The following PTPRN2 variants were observed in gnomAD, a reference collection of about 807,000 sequenced individuals.
PTPRN2 encodes protein tyrosine phosphatase receptor type N2.
A neutral mutation model predicts 118.8 loss-of-function variants in PTPRN2; 74 were observed. That is an observed-to-expected ratio of 0.62 (90% CI 0.52 to 0.76). PTPRN2 has a LOEUF of 0.76. PTPRN2 is among the 30% of genes least tolerant of loss of function. The probability of loss-of-function intolerance (pLI) is 0.00; values close to 1 mark genes in which losing one functional copy is unlikely to be tolerated. For synonymous variants in PTPRN2, 641 were observed against 608.0 expected, an observed-to-expected ratio of 1.05 and a Z score of -0.80; for missense variants, 1,481 against 1,394.4, an observed-to-expected ratio of 1.06 and a Z score of -0.99.
chr7:158,044,006 G>C (rs1478938954), intron 11 of PTPRN2, among the ~76,000 whole-genome samples: 1 of 152,236 alleles, frequency 6.6e-6, no homozygotes, highest in Admixed American at 6.5e-5. Context: ...CACACGCCGA[G>C]GCTGTGATGG....
Position 158,194,115 on chromosome 7 carries a change from G to A in PTPRN2, c.381-1620C>T, listed in dbSNP as rs550760100. Among the ~76,000 whole-genome samples, 27 of 150,122 alleles carry A rather than the reference G, an allele frequency of 1.8e-4. 1 individual carries two copies. The South Asian group carries it at 2.5e-3, about 14-fold the overall frequency. On this transcript the variant is annotated intron_variant, in intron 4 of 22. Coordinates refer to ENST00000389418, the MANE Select transcript of PTPRN2 (RefSeq NM_002847.5). ...AACAACAAAAAAAGTGTGTGCACGCGCGCGCATGTGCGTGTGTGAGTTTGT... is the reference window on the plus strand; with the variant it reads ...AACAACAAAAAAAGTGTGTGCACGCACGCGCATGTGCGTGTGTGAGTTTGT...
At chr7:158,066,188 C>T (rs528598513) in intron 11 of PTPRN2, among the ~76,000 whole-genome samples, 15 of 152,338 alleles carry the variant, frequency 9.8e-5, no homozygotes, top group East Asian at 1.9e-4. Flanking sequence ...AATAAGACTC[C>T]GTCAGCAAGA....
intron 10 of PTPRN2, among the ~76,000 whole-genome samples, chr7:158,094,195 C>G (rs1027884721): frequency 2.0e-5 from 3 of 152,170 alleles, no homozygotes; most frequent in Admixed American, 6.6e-5. Context: ...ATGACCAGTC[C>G]CAAGAGAAGA....
In PTPRN2 at chr7:157,615,335, G is replaced by T; in HGVS notation, c.2344+6027C>A. 1 of 419,042 alleles carries T rather than the reference G, an allele frequency of 2.4e-6. No homozygotes were observed. The highest frequency in any genetic ancestry group is 5.0e-6 in the Non-Finnish European group (1 of 199,314). The allele number at this position is 419,042 out of a possible 1,614,324, so 26.0% of individuals were successfully genotyped here. ...GCGGCTGGGTCTGCGCTGGGGTAGT[G>T]TAGGCTGCACTCTCCGGGGAGCCGC... On this transcript the variant is annotated intron_variant, in intron 15 of 22. Coordinates refer to ENST00000389418, the MANE Select transcript of PTPRN2 (RefSeq NM_002847.5). The surrounding 1 kb of genome is among the most constrained non-coding windows in gnomAD (Gnocchi z 4.3).
At chr7:157,922,312 A>C (rs1268856426) in intron 11 of PTPRN2, among the ~76,000 whole-genome samples, 1 of 152,120 alleles carries the variant, frequency 6.6e-6, no homozygotes, top group African/African-American at 2.4e-5. Context: ...TTGCAGAAGG[A>C]AGTCTTTCCT....
chr7:157,983,666 G>A (rs551951662), intron 11 of PTPRN2, among the ~76,000 whole-genome samples: 90 of 152,240 alleles, frequency 5.9e-4, no homozygotes, highest in Non-Finnish European at 1.1e-3. Flanking sequence ...GAGGAGTAGC[G>A]TGTGTGTGTG....
intron 3 of PTPRN2, among the ~76,000 whole-genome samples, chr7:158,281,684 A>G (rs1799437621): frequency 6.6e-6 from 1 of 152,024 alleles, no homozygotes; most frequent in South Asian, 2.1e-4. Flanking sequence ...GGCCCTTTGC[A>G]TTGGTGCTGG....
Position 158,139,693 on chromosome 7 carries a change from G to C in PTPRN2, c.911-1178C>G, listed in dbSNP as rs576579737. Among the ~76,000 whole-genome samples, 26 of 152,198 alleles carry C rather than the reference G, an allele frequency of 1.7e-4. No individual in the cohort carries two copies. The East Asian group carries it at 4.8e-3, about 28-fold the overall frequency. ...TCCTGGAAAGCAGCGGGGGCGGGGCGGGGGGAAGACACGCTCCACACATGA... is the reference window on the plus strand; with the variant it reads ...TCCTGGAAAGCAGCGGGGGCGGGGCCGGGGGAAGACACGCTCCACACATGA... On this transcript the variant is annotated intron_variant, in intron 6 of 22. Transcript: ENST00000389418.
At chr7:158,569,668 ACTGACAGGAACGCGGGGCGCGAGGCCGC>A (rs1563443974) in intron 1 of PTPRN2, among the ~76,000 whole-genome samples, 28 of 112,898 alleles carry the variant, frequency 2.5e-4, no homozygotes, top group African/African-American at 7.0e-4. Context: ...AGGCCGCCTA[ACTGACAGGAACGCGGGGCGCGAGGCCGC>A]CTGACAGGAA....
intron 2 of PTPRN2, among the ~76,000 whole-genome samples, chr7:158,326,489 ACATTCACAG>A (rs1384008580): frequency 2.0e-5 from 3 of 152,138 alleles, no homozygotes; most frequent in Non-Finnish European, 4.4e-5. Context: ...ACATACACAG[ACATTCACAG>A]CATGCACACA....
At chr7:157,753,819 C>T (rs1443669211) in intron 12 of PTPRN2, among the ~76,000 whole-genome samples, 1 of 152,180 alleles carries the variant, frequency 6.6e-6, no homozygotes, top group African/African-American at 2.4e-5. Flanking sequence ...CGTGCCCTGC[C>T]CACCTCCCCA....
chr7:158,063,144 G>A (rs1052601442), intron 11 of PTPRN2, among the ~76,000 whole-genome samples: 8 of 152,166 alleles, frequency 5.3e-5, no homozygotes, highest in African/African-American at 1.9e-4. Flanking sequence ...TCAGCACTCT[G>A]TGTCTAGCTC....
At chr7:157,783,442 G>C (rs1803809722) in intron 12 of PTPRN2, among the ~76,000 whole-genome samples, 1 of 150,694 alleles carries the variant, frequency 6.6e-6, no homozygotes, top group Non-Finnish European at 1.5e-5. Flanking sequence ...GTCTGAGCCT[G>C]ATGTTCCTCG....
At chr7:158,222,366 C>T (rs1399467190) in intron 3 of PTPRN2, among the ~76,000 whole-genome samples, 3 of 152,126 alleles carry the variant, frequency 2.0e-5, no homozygotes, top group Non-Finnish European at 2.9e-5. Context: ...AAATACGGTA[C>T]ACATACACCA....
chr7:158,157,591 G>A (rs559957599), intron 6 of PTPRN2, among the ~76,000 whole-genome samples: 40 of 152,286 alleles, frequency 2.6e-4, no homozygotes, highest in African/African-American at 7.2e-4. Context: ...GTGCAGGTCC[G>A]GGACTGCCAG....
rs569682385 is a variant in PTPRN2, at chr7:157,964,011, T to G, written c.1724-65274A>C. Among the ~76,000 whole-genome samples the G allele has an allele frequency of 6.6e-6, 1 of 152,330 alleles. No individual in the cohort carries two copies. Among genetic ancestry groups the G allele is most frequent in the East Asian group, 1.9e-4 (1 of 5,184 alleles). On this transcript the variant is annotated intron_variant, in intron 11 of 22. Coordinates refer to ENST00000389418, the MANE Select transcript of PTPRN2 (RefSeq NM_002847.5). This position sits in a 1 kb window ranked among gnomAD's most constrained non-coding sequence, Gnocchi z 9.0. ...CATTAAGTCCTAATTACATGTTATT[T>G]GCCCTGTTCAAGTTCAAGCAGTATT...
At chr7:157,625,226 C>G (rs1331251371) in intron 14 of PTPRN2, among the ~76,000 whole-genome samples, 1 of 152,202 alleles carries the variant, frequency 6.6e-6, no homozygotes, top group Non-Finnish European at 1.5e-5. Context: ...AATCCCACTA[C>G]TGGGTATTTA....
At chr7:158,257,701 G>A (rs1477488767) in intron 3 of PTPRN2, among the ~76,000 whole-genome samples, 1 of 152,246 alleles carries the variant, frequency 6.6e-6, no homozygotes, top group African/African-American at 2.4e-5. Context: ...CTCCGCTCCT[G>A]GAGGACTGAC....
chr7:157,778,549 T>C (rs573187605), intron 12 of PTPRN2, among the ~76,000 whole-genome samples: 5 of 151,802 alleles, frequency 3.3e-5, no homozygotes, highest in Admixed American at 6.6e-5. Context: ...ATACAGGTGT[T>C]GGATGCCCAC....
Sources: gnomAD v4.1 joint callset for allele counts (sites outside exome capture counted in the v4.1 genomes callset) on GRCh38, gnomAD v4.1.1 for gene constraint, Gnocchi (gnomAD v3.1) non-coding constraint, MANE v1.5 for transcripts, NCBI Gene and HGNC (gene_info 2026-07-23, HGNC 2026-07-21) for gene names.